The following CTNNA3 variants were observed in gnomAD, a reference collection of about 807,000 sequenced individuals.
CTNNA3 encodes the protein catenin alpha-3.
In CTNNA3, 76 loss-of-function variants were observed where a neutral mutation model predicts 95.7. The ratio of observed to expected loss-of-function variants is 0.79; its 90% CI spans 0.66 to 0.96. The LOEUF is 0.96. CTNNA3 is among the 40% of genes least tolerant of loss of function. The pLI is 0.00. For synonymous variants in CTNNA3, 431 were observed against 374.4 expected (o/e 1.15, Z -1.74); for missense variants, 1,191 against 1,089.8 (o/e 1.09, Z -1.31).
chr10:67,070,257 T>A (rs1257687635), intron 7 of CTNNA3, among the ~76,000 whole-genome samples: 1 of 152,198 alleles, frequency 6.6e-6, no homozygotes, highest in Non-Finnish European at 1.5e-5. Context: ...TCTTTTGTCT[T>A]TATCTTTTTT....
chr10:67,375,988 C>T (rs1033950294), intron 5 of CTNNA3, among the ~76,000 whole-genome samples: 10 of 152,142 alleles, frequency 6.6e-5, no homozygotes, highest in South Asian at 4.1e-4. Context: ...AACCCATTTA[C>T]CTTCTACCTT....
chr10:67,314,372 A>G (rs2132534496), intron 5 of CTNNA3, among the ~76,000 whole-genome samples: 1 of 152,310 alleles, frequency 6.6e-6, no homozygotes, highest in South Asian at 2.1e-4. Context: ...CTCTCAGGTA[A>G]CATTAAAGCC....
At chr10:65,935,951 T>C (rs543809281) in intron 17 of CTNNA3, among the ~76,000 whole-genome samples, 2 of 152,232 alleles carry the variant, frequency 1.3e-5, no homozygotes, top group East Asian at 3.9e-4. Flanking sequence ...GTCTGTGGAA[T>C]AGACAGTCAA....
At chr10:67,185,943 C>T (rs1159539112) in intron 6 of CTNNA3, among the ~76,000 whole-genome samples, 3 of 150,564 alleles carry the variant, frequency 2.0e-5, no homozygotes, top group Non-Finnish European at 3.0e-5. Context: ...TTGCTTGAAC[C>T]GGGACCCAGG....
chr10:65,928,676 C>T (rs1440243955), intron 17 of CTNNA3, among the ~76,000 whole-genome samples: 1 of 152,136 alleles, frequency 6.6e-6, no homozygotes, highest in East Asian at 1.9e-4. Flanking sequence ...GTATTCTGCA[C>T]AAACTGTTAA....
chr10:66,624,709 G>T (rs975900013), intron 9 of CTNNA3, among the ~76,000 whole-genome samples: 16 of 152,084 alleles, frequency 1.1e-4, no homozygotes, highest in African/African-American at 3.6e-4. Context: ...TTAGTTCACA[G>T]GTCACCATTT....
intron 16 of CTNNA3, among the ~76,000 whole-genome samples, chr10:65,978,175 C>G (rs1260904947): frequency 6.6e-6 from 1 of 151,982 alleles, no homozygotes; most frequent in Admixed American, 6.6e-5. Context: ...TAAAATGTTT[C>G]AATGCAGATT....
chr10:67,510,914 T>C (rs1289936680), intron 5 of CTNNA3, among the ~76,000 whole-genome samples: 1 of 152,176 alleles, frequency 6.6e-6, no homozygotes, highest in Non-Finnish European at 1.5e-5. Flanking sequence ...TCACATCCCT[T>C]GTAAGTTGGA....
chr10:66,963,198 C>A (rs1849214511), intron 7 of CTNNA3, among the ~76,000 whole-genome samples: 1 of 152,156 alleles, frequency 6.6e-6, no homozygotes, highest in Non-Finnish European at 1.5e-5. Context: ...TGGCTCACAA[C>A]CACATGGGAC....
At chr10:66,379,421 T>G (rs546606277) in intron 11 of CTNNA3, 69 bp from the exon 12 acceptor site, 1 of 1,259,622 alleles carries the variant, frequency 7.9e-7, no homozygotes, top group East Asian at 2.3e-5. Flanking sequence ...TCTAGCATAT[T>G]ATAATTATGT....
chr10:67,013,506 C>T (rs1852468037), intron 7 of CTNNA3, among the ~76,000 whole-genome samples: 1 of 152,102 alleles, frequency 6.6e-6, no homozygotes, highest in African/African-American at 2.4e-5. Context: ...ACGTGCTGTG[C>T]AAAAAGTCAC....
chr10:66,599,033 G>C (rs934245151), intron 10 of CTNNA3, among the ~76,000 whole-genome samples: 2 of 143,586 alleles, frequency 1.4e-5, no homozygotes, highest in South Asian at 4.3e-4. Flanking sequence ...TATGGTACTG[G>C]CATAAAAACA....
chr10:67,134,654 T>C (rs769912313), intron 7 of CTNNA3, among the ~76,000 whole-genome samples: 2 of 152,150 alleles, frequency 1.3e-5, no homozygotes, highest in Non-Finnish European at 2.9e-5. Flanking sequence ...ATCCTAGATA[T>C]CTGCATCCAT....
intron 7 of CTNNA3, among the ~76,000 whole-genome samples, chr10:67,174,045 G>A (rs1182617665): frequency 6.6e-6 from 1 of 152,058 alleles, no homozygotes; most frequent in African/African-American, 2.4e-5. Flanking sequence ...TGTATTGATT[G>A]CTCTCTGCAA....
At chr10:67,618,343 T>C (rs1475008604) in intron 2 of CTNNA3, among the ~76,000 whole-genome samples, 2 of 152,246 alleles carry the variant, frequency 1.3e-5, no homozygotes, top group African/African-American at 4.8e-5. Context: ...CAGCAGTGAC[T>C]GATGGTAGAA....
intron 11 of CTNNA3, among the ~76,000 whole-genome samples, chr10:66,433,040 G>A (rs1438585663): frequency 6.6e-6 from 1 of 152,168 alleles, no homozygotes; most frequent in Non-Finnish European, 1.5e-5. Flanking sequence ...TCTTGAGCCA[G>A]TCTATCATTG....
intron 10 of CTNNA3, among the ~76,000 whole-genome samples, chr10:66,546,550 G>A (rs1338756560): frequency 6.6e-6 from 1 of 152,114 alleles, no homozygotes; most frequent in Non-Finnish European, 1.5e-5. Context: ...GCATGGTTGG[G>A]GAAGCCTCGA....
chr10:67,264,471 A>T (rs1247857942), intron 5 of CTNNA3, among the ~76,000 whole-genome samples: 4 of 152,196 alleles, frequency 2.6e-5, no homozygotes, highest in African/African-American at 7.2e-5. Context: ...TAAGACTCAA[A>T]GGAGGTAAGT....
chr10:66,097,929 G>A (rs984149972), intron 14 of CTNNA3: 2 of 152,050 alleles, frequency 1.3e-5, no homozygotes, highest in Admixed American at 6.6e-5. Flanking sequence ...TCTGGATTCC[G>A]TGGTGGGAAC....
Sources: gnomAD v4.1 joint callset for allele counts (sites outside exome capture counted in the v4.1 genomes callset) on GRCh38, gnomAD v4.1.1 for gene constraint, MANE v1.5 for transcripts, NCBI Gene and HGNC (gene_info 2026-07-23, HGNC 2026-07-21) for gene names.